SETD5: variants seen among roughly 807,000 people sequenced by gnomAD.
SETD5 encodes SET domain containing 5.
Under a neutral mutation model 153.3 loss-of-function variants are expected in SETD5, and 44 were observed. The observed-to-expected ratio is 0.29, with a 90% CI of 0.23 to 0.37. The LOEUF (loss-of-function observed/expected upper bound fraction) is 0.37, where lower values mean the gene tolerates loss of function less well. SETD5 is among the 10% of genes least tolerant of loss of function. The pLI is 1.00. For missense variants in SETD5, 1,544 were observed against 1,768.0 expected (o/e 0.87, Z 2.27); for synonymous variants, 716 against 645.2 (o/e 1.11, Z -1.66).
At chr3:9,443,785 C>G (rs1437523544) in intron 11 of SETD5, among the ~76,000 whole-genome samples, 9 of 152,182 alleles carry the variant, frequency 5.9e-5, no homozygotes, top group African/African-American at 2.2e-4. Context: ...GAATTTAGGC[C>G]AGGCGCAGTG....
At chr3:9,462,619 T>G (rs2044106741) in intron 17 of SETD5, among the ~76,000 whole-genome samples, 1 of 148,692 alleles carries the variant, frequency 6.7e-6, no homozygotes, top group South Asian at 2.1e-4. Context: ...AGAATATAGA[T>G]AGATGGGGCC....
chr3:9,445,800 C>T, intron 13 of SETD5, 60 bp downstream of exon 13: 1 of 1,255,126 alleles, frequency 8.0e-7, no homozygotes, highest in South Asian at 1.6e-5. Context: ...ATCATGTGAA[C>T]CTCTTCTGTT....
At chr3:9,469,052 T>G (rs1019800095) in intron 18 of SETD5, among the ~76,000 whole-genome samples, 3 of 152,118 alleles carry the variant, frequency 2.0e-5, no homozygotes, top group Admixed American at 2.0e-4. Context: ...GTTTTGACCT[T>G]TGGTTGATAG....
chr3:9,458,954 G>C (rs558936123), intron 17 of SETD5, among the ~76,000 whole-genome samples: 2 of 152,128 alleles, frequency 1.3e-5, no homozygotes, highest in South Asian at 4.2e-4. Flanking sequence ...AATCAAAATA[G>C]GAACCACTGC....
intron 1 of SETD5, among the ~76,000 whole-genome samples, chr3:9,411,505 C>T (rs1575203027): frequency 6.6e-6 from 1 of 152,054 alleles, no homozygotes. Context: ...CAAGATATAC[C>T]AAAGGTGAAG....
intron 1 of SETD5, among the ~76,000 whole-genome samples, chr3:9,412,967 A>T (rs891979533): frequency 2.6e-5 from 4 of 151,818 alleles, no homozygotes; most frequent in Non-Finnish European, 5.9e-5. Context: ...GCCTCAAGAG[A>T]TTCTCATGCC....
At chr3:9,401,083 A>G (rs1263185236) in intron 1 of SETD5, among the ~76,000 whole-genome samples, 1 of 152,256 alleles carries the variant, frequency 6.6e-6, no homozygotes, top group Non-Finnish European at 1.5e-5. Flanking sequence ...CATTTGTGGC[A>G]GAGAACCAAA....
chr3:9,436,029 A>G lies in SETD5; in HGVS notation c.567+123A>G, dbSNP rs181019593. On this transcript the variant is annotated intron_variant, in intron 7 of 22. Coordinates refer to ENST00000402198, the MANE Select transcript of SETD5 (RefSeq NM_001080517.3). ...GTGTTTGAAGGGCCACTTTTGTTCT[A>G]CTTGCAAAAATCAGCTAATCTGTGT... The G allele has an allele frequency of 7.8e-5, 68 of 871,718 alleles. No homozygotes were observed. The East Asian group carries it at 1.7e-3, about 21-fold the overall frequency. The allele number at this position is 871,718 out of a possible 1,614,324, so 54.0% of individuals were successfully genotyped here. A position where few individuals can be genotyped will look rare whatever the true frequency, so the allele number is the denominator to read the frequency against.
At position 9,431,291 on chromosome 3, in the gene SETD5, T is replaced by C. The variant is rs933909239; in HGVS notation, c.71+2282T>C. ...ATGGCATGATAGCAGCTGGGTTGCA[T>C]GTTGTACTTAGAACACTGTTGATGG... On this transcript the variant is annotated intron_variant, in intron 3 of 22. Transcript: ENST00000402198. 3.0e-6 allele frequency: 3 copies of C among 985,286 alleles called. No homozygotes were observed. The Admixed American group carries it at 1.8e-4, about 61-fold the overall frequency. The allele number at this position is 985,286 out of a possible 1,614,324, so 61.0% of individuals were successfully genotyped here.
chr3:9,404,811 A>C (rs116869439), intron 1 of SETD5, among the ~76,000 whole-genome samples: 1 of 152,312 alleles, frequency 6.6e-6, no homozygotes, highest in East Asian at 1.9e-4. Context: ...TTTGATTCCA[A>C]AGGTTTTGAT....
chr3:9,428,061 A>G (rs142174663), intron 2 of SETD5, among the ~76,000 whole-genome samples: 1 of 152,162 alleles, frequency 6.6e-6, no homozygotes, highest in Non-Finnish European at 1.5e-5. Flanking sequence ...AAAGTAGTCA[A>G]CTTTTTTAGA....
At chr3:9,460,234 A>G (rs1481461955) in intron 17 of SETD5, among the ~76,000 whole-genome samples, 1 of 151,934 alleles carries the variant, frequency 6.6e-6, no homozygotes. Flanking sequence ...TTAGATAACA[A>G]AGGGAGAGAT....
chr3:9,473,340 G>A lies in SETD5; in HGVS notation c.3300G>A (p.Gly1100=), dbSNP rs1466661141. ...AQSKSKSAGA[G]QGSSNSVSDT... The stretch of plus-strand genomic sequence containing the variant: ...GCAAAAGCAAGTCTGCAGGAGCTGG[G>A]CAAGGCAGCAGTAACTCCGTTTCCG... The change falls in exon 20 of 23, where the codon GGG becomes GGA. Residue 1100 remains glycine (G), a synonymous_variant. Coordinates refer to ENST00000402198, the MANE Select transcript of SETD5 (RefSeq NM_001080517.3). The A allele has an allele frequency of 1.2e-5, 19 of 1,613,872 alleles. No homozygotes were observed. Among genetic ancestry groups the A allele is most frequent in the East Asian group, 2.2e-5 (1 of 44,880 alleles).
chr3:9,475,125 C>T lies in SETD5; in HGVS notation c.3689C>T (p.Thr1230Ile). 1 of 1,590,712 alleles carries T rather than the reference C, an allele frequency of 6.3e-7. No homozygotes were observed. Residue 1230 changes from threonine (T) to isoleucine (I), a missense_variant, in exon 22 of 23, where the codon ACA becomes ATA. This residue lies in a region of SETD5 where 302 missense variants were observed against 277.6 expected (regional missense o/e 1.09). Transcript: ENST00000402198. ...AGCTCAGCACTCTCTAAAGGAGCAACAGTTTACAGCCCTTCCAGATACAGC... is the reference window on the plus strand; with the variant it reads ...AGCTCAGCACTCTCTAAAGGAGCAATAGTTTACAGCCCTTCCAGATACAGC... The part of the protein sequence containing the change: ...TLSSALSKGA[T>I]VYSPSRYSYQ...
chr3:9,466,306 A>G (rs913925768), intron 18 of SETD5, among the ~76,000 whole-genome samples: 44 of 151,572 alleles, frequency 2.9e-4, no homozygotes, highest in African/African-American at 4.6e-4. Flanking sequence ...AAAAAAAAAA[A>G]AAAGAAAATC....
chr3:9,441,037 C>A (rs1346374365), intron 8 of SETD5, among the ~76,000 whole-genome samples: 1 of 151,914 alleles, frequency 6.6e-6, no homozygotes, highest in Non-Finnish European at 1.5e-5. Flanking sequence ...CATAGTGAGA[C>A]CCTCTCTTTA....
intron 16 of SETD5, among the ~76,000 whole-genome samples, chr3:9,451,572 C>T (rs964277400): frequency 6.6e-5 from 10 of 152,080 alleles, no homozygotes; most frequent in Admixed American, 3.9e-4. Flanking sequence ...CTCAACCTCT[C>T]GTGTAGCTGG....
At chr3:9,449,656 T>C (rs1306453195) in intron 16 of SETD5, 3 of 152,172 alleles carry the variant, frequency 2.0e-5, no homozygotes, top group African/African-American at 7.2e-5. Flanking sequence ...ACAGAAGTTA[T>C]TTCTCCGGGG....
intron 19 of SETD5, among the ~76,000 whole-genome samples, chr3:9,471,267 A>T (rs909302104): frequency 9.9e-5 from 15 of 152,228 alleles, no homozygotes; most frequent in Non-Finnish European, 1.5e-4. Context: ...AGCCTATAAG[A>T]TAGGCAATTT....
Sources: gnomAD v4.1 joint callset for allele counts (sites outside exome capture counted in the v4.1 genomes callset) on GRCh38, gnomAD v4.1.1 for gene constraint, gnomAD v4.1.1 regional missense constraint, MANE v1.5 for transcripts, NCBI Gene and HGNC (gene_info 2026-07-23, HGNC 2026-07-21) for gene names.